Variants in MBD5 observed in about 807,000 individuals in gnomAD.
MBD5 encodes methyl-CpG-binding domain protein 5.
Under a neutral mutation model 117.3 loss-of-function variants are expected in MBD5, and 13 were observed. The observed-to-expected ratio is 0.11, with a 90% CI of 0.07 to 0.18. The LOEUF (loss-of-function observed/expected upper bound fraction) is 0.18. Among genes scored for constraint, MBD5 ranks in the 10% least tolerant of loss-of-function variants. The pLI is 1.00. For synonymous variants in MBD5, 727 were observed against 766.4 expected, an observed-to-expected ratio of 0.95 and a Z score of 0.85; for missense variants, 1,879 against 2,093.8, an observed-to-expected ratio of 0.90 and a Z score of 2.00.
At chr2:148,076,122 T>A (rs1383712030) in intron 1 of MBD5, among the ~76,000 whole-genome samples, 2 of 152,176 alleles carry the variant, frequency 1.3e-5, no homozygotes, top group Non-Finnish European at 2.9e-5. Flanking sequence ...ATTAAATGTT[T>A]AGAGATTTTT....
chr2:148,109,287 A>G (rs893421976), intron 1 of MBD5, among the ~76,000 whole-genome samples: 3 of 152,148 alleles, frequency 2.0e-5, no homozygotes, highest in Non-Finnish European at 4.4e-5. Flanking sequence ...TCTGTCTCAA[A>G]GAGAAAAAAA....
chr2:148,050,037 G>T (rs980161956), intron 1 of MBD5, among the ~76,000 whole-genome samples: 1 of 152,046 alleles, frequency 6.6e-6, no homozygotes, highest in Non-Finnish European at 1.5e-5. Flanking sequence ...ACAAGTTTTT[G>T]TGTTAACATA....
chr2:148,442,854 G>A (rs1425521741), intron 4 of MBD5, among the ~76,000 whole-genome samples: 1 of 150,848 alleles, frequency 6.6e-6, no homozygotes, highest in Non-Finnish European at 1.5e-5. Context: ...AATTTCTTGA[G>A]TAACACAAGC....
chr2:148,459,436 A>G (rs950762823), intron 5 of MBD5, among the ~76,000 whole-genome samples: 2 of 152,158 alleles, frequency 1.3e-5, no homozygotes, highest in Non-Finnish European at 2.9e-5. Flanking sequence ...TACTCTTTTC[A>G]ATGTCAATGC....
intron 4 of MBD5, among the ~76,000 whole-genome samples, chr2:148,363,378 G>A (rs1190638413): frequency 2.6e-5 from 4 of 151,940 alleles, no homozygotes; most frequent in African/African-American, 7.3e-5. Context: ...GACTACAGGC[G>A]CCCGCCACCA....
chr2:148,412,033 G>A (rs1459249233), intron 4 of MBD5, among the ~76,000 whole-genome samples: 1 of 151,970 alleles, frequency 6.6e-6, no homozygotes, highest in African/African-American at 2.4e-5. Flanking sequence ...TTTTCTATAT[G>A]GTATAAAGAA....
chr2:148,344,756 A>G (rs1369808130), intron 4 of MBD5, among the ~76,000 whole-genome samples: 2 of 151,888 alleles, frequency 1.3e-5, no homozygotes, highest in African/African-American at 4.8e-5. Context: ...TATTGCAGCA[A>G]TTTTTATGCC....
chr2:148,398,731 T>G (rs551574555), intron 4 of MBD5, among the ~76,000 whole-genome samples: 142 of 152,286 alleles, frequency 9.3e-4, no homozygotes, highest in South Asian at 1.9e-3. Flanking sequence ...CTTGCCCATG[T>G]CTATGTCCTG....
intron 1 of MBD5, among the ~76,000 whole-genome samples, chr2:148,156,785 A>G (rs1399258968): frequency 6.6e-6 from 1 of 152,258 alleles, no homozygotes; most frequent in African/African-American, 2.4e-5. Flanking sequence ...TTTATAGGAA[A>G]TAACATAAAC....
intron 4 of MBD5, among the ~76,000 whole-genome samples, chr2:148,423,331 A>G (rs1277673144): frequency 6.6e-6 from 1 of 152,126 alleles, no homozygotes; most frequent in Non-Finnish European, 1.5e-5. Context: ...AAAATATTTA[A>G]TTATGTTTTT....
chr2:148,293,919 T>C (rs187170401), intron 3 of MBD5, among the ~76,000 whole-genome samples: 1 of 152,368 alleles, frequency 6.6e-6, no homozygotes, highest in African/African-American at 2.4e-5. Flanking sequence ...CCACAGTACT[T>C]TCTCCTACAA....
chr2:148,281,117 A>T (rs1009715022), intron 3 of MBD5, among the ~76,000 whole-genome samples: 1 of 152,192 alleles, frequency 6.6e-6, no homozygotes, highest in Non-Finnish European at 1.5e-5. Context: ...AATCCAAGGT[A>T]TTCTACTGAT....
chr2:148,160,054 A>G (rs1452994892), intron 1 of MBD5, among the ~76,000 whole-genome samples: 1 of 152,218 alleles, frequency 6.6e-6, no homozygotes, highest in East Asian at 1.9e-4. Context: ...GCACATCAGA[A>G]ACACCTGTGG....
intron 1 of MBD5, among the ~76,000 whole-genome samples, chr2:148,115,665 A>G (rs1457713860): frequency 2.0e-5 from 3 of 151,840 alleles, no homozygotes; most frequent in Admixed American, 6.6e-5. Flanking sequence ...AGCTATACAT[A>G]TTTTTCCTAA....
At chr2:148,239,847 A>G (rs947892120) in intron 3 of MBD5, among the ~76,000 whole-genome samples, 3 of 152,154 alleles carry the variant, frequency 2.0e-5, no homozygotes, top group Admixed American at 2.0e-4. Context: ...ACAGCTGCAC[A>G]CCACCATGCC....
At chr2:148,301,276 G>A (rs1353726295) in intron 3 of MBD5, among the ~76,000 whole-genome samples, 1 of 152,154 alleles carries the variant, frequency 6.6e-6, no homozygotes, top group Admixed American at 6.5e-5. Context: ...GGGACTAAAG[G>A]GACAGTGTGT....
chr2:148,350,473 A>T (rs916030438), intron 4 of MBD5, among the ~76,000 whole-genome samples: 2 of 152,044 alleles, frequency 1.3e-5, no homozygotes, highest in African/African-American at 2.4e-5. Flanking sequence ...ATTAAAGGGG[A>T]TAGGAAATGC....
intron 3 of MBD5, among the ~76,000 whole-genome samples, chr2:148,310,707 C>T (rs532201139): frequency 1.5e-4 from 23 of 152,144 alleles, no homozygotes; most frequent in African/African-American, 5.3e-4. Context: ...TTTGTTTGCT[C>T]TTACTTCTTA....
intron 11 of MBD5, among the ~76,000 whole-genome samples, chr2:148,492,953 A>C (rs1199100323): frequency 6.6e-6 from 1 of 152,128 alleles, no homozygotes; most frequent in Non-Finnish European, 1.5e-5. Context: ...AATTTTATTT[A>C]TGTAGAACTC....
Sources: allele counts gnomAD v4.1 joint callset (sites outside exome capture counted in the v4.1 genomes callset), GRCh38; gene constraint gnomAD v4.1.1; transcripts MANE v1.5; gene names NCBI Gene and HGNC (gene_info 2026-07-23, HGNC 2026-07-21).